Variants in LRCH1 observed in about 807,000 individuals in gnomAD.
The protein encoded by LRCH1 is leucine-rich repeat and calponin homology domain-containing protein 1.
LRCH1 carries 23 observed loss-of-function variants against 94.9 expected under a neutral mutation model. The ratio of observed to expected loss-of-function variants is 0.24; its 90% CI spans 0.17 to 0.34. The LOEUF (loss-of-function observed/expected upper bound fraction) is 0.34. LRCH1 is among the 10% of genes least tolerant of loss of function. The probability of loss-of-function intolerance (pLI) is 1.00; values close to 1 mark genes in which losing one functional copy is unlikely to be tolerated. For missense variants in LRCH1, 790 were observed against 945.9 expected, an observed-to-expected ratio of 0.84 and a Z score of 2.16; for synonymous variants, 364 against 354.9, an observed-to-expected ratio of 1.03 and a Z score of -0.29.
At chr13:46,686,113 T>C in intron 5 of LRCH1, 72 bp downstream of exon 5, 1 of 1,346,996 alleles carries the variant, frequency 7.4e-7, no homozygotes, top group Non-Finnish European at 9.7e-7. Flanking sequence ...AAATTTCCCC[T>C]TCACCCTCTG....
chr13:46,637,224 C>T (rs1161653332), intron 1 of LRCH1, among the ~76,000 whole-genome samples: 1 of 152,234 alleles, frequency 6.6e-6, no homozygotes, highest in East Asian at 1.9e-4. Flanking sequence ...AATGTGACCA[C>T]TTCTTGTCAC....
chr13:46,712,951 G>C (rs986980618), intron 15 of LRCH1, among the ~76,000 whole-genome samples: 2 of 152,154 alleles, frequency 1.3e-5, no homozygotes, highest in Non-Finnish European at 2.9e-5. Context: ...GGGGCAGCCT[G>C]CCTCTGGAAA....
intron 1 of LRCH1, among the ~76,000 whole-genome samples, chr13:46,571,353 A>AGTTGTCAGTGGTATTC (rs2050238696): frequency 1.3e-5 from 2 of 152,156 alleles, no homozygotes; most frequent in Non-Finnish European, 2.9e-5. Flanking sequence ...CCAAGAGAAC[A>AGTTGTCAGTGGTATTC]GTTGTCAGTG....
intron 2 of LRCH1, among the ~76,000 whole-genome samples, chr13:46,657,490 C>CT (rs2051386127): frequency 1.0e-4 from 2 of 19,258 alleles, no homozygotes; most frequent in Non-Finnish European, 2.1e-4. Flanking sequence ...TTTACTTTTT[C>CT]TTTTCTTTTC....
exon 19 of LRCH1, chr13:46,750,587 C>A: frequency 6.4e-7 from 1 of 1,552,042 alleles, no homozygotes; most frequent in South Asian, 1.2e-5. Context: ...AAGGCCTGGT[C>A]AAAGTGGGCA....
chr13:46,682,642 G>A (rs147086645), intron 4 of LRCH1, among the ~76,000 whole-genome samples: 1 of 152,300 alleles, frequency 6.6e-6, no homozygotes, highest in Non-Finnish European at 1.5e-5. Flanking sequence ...TCTAGAATCT[G>A]TTCTGAGGTG....
intron 19 of LRCH1, among the ~76,000 whole-genome samples, chr13:46,738,160 C>T (rs1458680271): frequency 6.6e-6 from 1 of 152,212 alleles, no homozygotes; most frequent in Non-Finnish European, 1.5e-5. Flanking sequence ...AGCAACTCAG[C>T]TGACAGTGGT....
chr13:46,733,141 C>G (rs1212998119), intron 18 of LRCH1, among the ~76,000 whole-genome samples: 2 of 152,148 alleles, frequency 1.3e-5, no homozygotes, highest in African/African-American at 4.8e-5. Context: ...ATCAGTCATG[C>G]GTCTTGCTTT....
chr13:46,581,266 C>T (rs1288445461), intron 1 of LRCH1, among the ~76,000 whole-genome samples: 1 of 152,168 alleles, frequency 6.6e-6, no homozygotes, highest in African/African-American at 2.4e-5. Flanking sequence ...CTCACCTCAG[C>T]CCCCTAGACC....
At position 46,743,872 on chromosome 13, in the gene LRCH1, G is replaced by A; in HGVS notation, c.*2024G>A. The A allele has an allele frequency of 9.1e-6, 9 of 983,692 alleles. No homozygotes were observed. The highest frequency in any genetic ancestry group is 1.1e-5 in the Non-Finnish European group (9 of 828,366). 60.9% of individuals were successfully genotyped at this position (983,692 alleles called of 1,614,324 possible). ...AAAACATGTTAAAGACAAATTAAAAGACATTTATATTTTAATTCTGGCATC... is the reference window on the plus strand; with the variant it reads ...AAAACATGTTAAAGACAAATTAAAAAACATTTATATTTTAATTCTGGCATC... On this transcript the variant is annotated 3_prime_UTR_variant, in exon 20 of 20. Coordinates refer to ENST00000389797, the MANE Select transcript of LRCH1 (RefSeq NM_001164211.2).
intron 13 of LRCH1, among the ~76,000 whole-genome samples, chr13:46,707,489 G>A (rs767051666): frequency 4.3e-4 from 66 of 151,794 alleles, no homozygotes; most frequent in Non-Finnish European, 6.9e-4. Context: ...TTATTTTTTC[G>A]TTGCAACTAA....
intron 2 of LRCH1, among the ~76,000 whole-genome samples, chr13:46,658,353 C>G (rs1222249622): frequency 6.6e-6 from 1 of 152,186 alleles, no homozygotes; most frequent in Non-Finnish European, 1.5e-5. Flanking sequence ...TTTAAGTCCA[C>G]AATTTCCCTG....
At chr13:46,680,401 G>A (rs1314651361) in intron 3 of LRCH1, among the ~76,000 whole-genome samples, 1 of 152,198 alleles carries the variant, frequency 6.6e-6, no homozygotes, top group Non-Finnish European at 1.5e-5. Flanking sequence ...AAACCCATGA[G>A]CAAATGACTT....
At chr13:46,627,053 G>A (rs2050958989) in intron 1 of LRCH1, among the ~76,000 whole-genome samples, 1 of 152,192 alleles carries the variant, frequency 6.6e-6, no homozygotes, top group Admixed American at 6.5e-5. Context: ...GAAATGGAAA[G>A]AAATTTTGAA....
chr13:46,620,580 T>G (rs2050868806), intron 1 of LRCH1, among the ~76,000 whole-genome samples: 1 of 152,152 alleles, frequency 6.6e-6, no homozygotes, highest in Non-Finnish European at 1.5e-5. Flanking sequence ...TCTGGTTAGG[T>G]CATTAATCAG....
chr13:46,576,366 CAA>C (rs535991738), intron 1 of LRCH1, among the ~76,000 whole-genome samples: 4 of 152,150 alleles, frequency 2.6e-5, no homozygotes, highest in Non-Finnish European at 4.4e-5. Context: ...TTAGAATTCC[CAA>C]GTGAAACCAT....
intron 13 of LRCH1, among the ~76,000 whole-genome samples, chr13:46,708,453 G>A (rs1871888290): frequency 6.6e-6 from 1 of 151,990 alleles, no homozygotes; most frequent in Non-Finnish European, 1.5e-5. Flanking sequence ...TGTACTTTTA[G>A]TAGAGACAGG....
chr13:46,706,620 G>A (rs533109441), intron 13 of LRCH1, among the ~76,000 whole-genome samples: 9 of 152,004 alleles, frequency 5.9e-5, no homozygotes, highest in African/African-American at 2.2e-4. Context: ...ATGAGATCTC[G>A]CTTTGTTGCC....
chr13:46,590,124 G>T (rs2050482857), intron 1 of LRCH1, among the ~76,000 whole-genome samples: 1 of 152,100 alleles, frequency 6.6e-6, no homozygotes, highest in South Asian at 2.1e-4. Context: ...GAAAAAGTCA[G>T]TGTCATCTTC....
Sources: allele counts gnomAD v4.1 joint callset (sites outside exome capture counted in the v4.1 genomes callset), GRCh38; gene constraint gnomAD v4.1.1; transcripts MANE v1.5; gene names NCBI Gene and HGNC (gene_info 2026-07-23, HGNC 2026-07-21).